SNRPN: variants seen among roughly 807,000 people sequenced by gnomAD.
SNRPN encodes small nuclear ribonucleoprotein-associated protein N.
Under a neutral mutation model 25.2 loss-of-function variants are expected in SNRPN, and 7 were observed. The observed-to-expected ratio is 0.28, with a 90% CI of 0.16 to 0.52. SNRPN has a LOEUF of 0.52. Among genes scored for constraint, SNRPN ranks in the 20% least tolerant of loss-of-function variants. The pLI is 0.96. For missense variants in SNRPN, 196 were observed against 322.5 expected, an observed-to-expected ratio of 0.61 and a Z score of 3.00; for synonymous variants, 124 against 110.6, an observed-to-expected ratio of 1.12 and a Z score of -0.76.
At chr15:24,868,066 A>T (rs1353161621) in intron 1 of SNRPN, among the ~76,000 whole-genome samples, 1 of 151,792 alleles carries the variant, frequency 6.6e-6, no homozygotes, top group African/African-American at 2.4e-5. Context: ...TTATTTGATG[A>T]GGTATTCTTA....
chr15:24,950,914 T>C (rs959503368), upstream of SNRPN, among the ~76,000 whole-genome samples: 2 of 151,156 alleles, frequency 1.3e-5, no homozygotes, highest in African/African-American at 4.9e-5. Flanking sequence ...CAGGCTGGAG[T>C]GCAGTGGTGC....
intron 1 of SNRPN, among the ~76,000 whole-genome samples, chr15:24,880,767 AGAGTCTT>A (rs779444849): frequency 1.9e-4 from 29 of 148,724 alleles, no homozygotes; most frequent in Non-Finnish European, 3.5e-4. Flanking sequence ...TTTTTGAGAC[AGAGTCTT>A]GCTCTGTTGT....
At chr15:24,922,963 T>C (rs188009435) in intron 3 of SNRPN, among the ~76,000 whole-genome samples, 24 of 131,532 alleles carry the variant, frequency 1.8e-4, no homozygotes, top group African/African-American at 2.9e-4. Context: ...TGGAGTGCAG[T>C]GGCGCAATCT....
chr15:24,915,459 T>C (rs965322847), intron 2 of SNRPN, among the ~76,000 whole-genome samples: 2 of 152,084 alleles, frequency 1.3e-5, no homozygotes, highest in East Asian at 3.9e-4. Flanking sequence ...GACTTCCTTG[T>C]TAAAACTAGA....
At chr15:24,941,567 G>A (rs1261270629) in intron 3 of SNRPN, among the ~76,000 whole-genome samples, 1 of 152,088 alleles carries the variant, frequency 6.6e-6, no homozygotes, top group Non-Finnish European at 1.5e-5. Context: ...ATGGGCTTTG[G>A]TCACAGAGCT....
chr15:24,934,797 T>C (rs541409764), intron 3 of SNRPN, among the ~76,000 whole-genome samples: 11 of 152,288 alleles, frequency 7.2e-5, no homozygotes, highest in African/African-American at 2.4e-4. Context: ...GCTCAAGTGA[T>C]CTGCCTGCCT....
chr15:24,976,301 G>C lies in SNRPN; in HGVS notation c.156-4G>C, dbSNP rs1244830595. On this transcript the variant is annotated splice_region_variant and splice_polypyrimidine_tract_variant and intron_variant, in intron 5 of 9. Transcript: ENST00000390687. ...TCTCACTAAAATTTAATTCTGATTT[G>C]TAGGCCAAAGAATGCGAAGCAACCA... is the stretch of plus-strand genomic sequence containing the variant. 1 of 1,612,114 alleles carries C rather than the reference G, an allele frequency of 6.2e-7. No individual in the cohort carries two copies. The highest frequency in any genetic ancestry group is 1.1e-5 in the South Asian group (1 of 90,918).
At chr15:24,960,653 A>G (rs1384470876) in intron 1 of SNRPN, among the ~76,000 whole-genome samples, 2 of 152,192 alleles carry the variant, frequency 1.3e-5, no homozygotes, top group Non-Finnish European at 2.9e-5. Context: ...GCATCATTTC[A>G]TATAGATTAG....
chr15:24,859,006 C>T (rs2053727174), intron 1 of SNRPN, among the ~76,000 whole-genome samples: 1 of 152,068 alleles, frequency 6.6e-6, no homozygotes, highest in South Asian at 2.1e-4. Context: ...TTGCAGACAC[C>T]CCTTCCCCTT....
intron 2 of SNRPN, chr15:24,851,336 T>C (rs1037568882): frequency 6.6e-6 from 1 of 152,138 alleles, no homozygotes; most frequent in Non-Finnish European, 1.5e-5. Context: ...TACAAAACTT[T>C]TGGGAGCTGA....
At chr15:24,927,965 T>C (rs2060529547) in intron 3 of SNRPN, among the ~76,000 whole-genome samples, 1 of 152,170 alleles carries the variant, frequency 6.6e-6, no homozygotes, top group African/African-American at 2.4e-5. Context: ...AAAATGATGT[T>C]TTATGGCTAA....
chr15:24,978,174 C>A lies in SNRPN; in HGVS notation c.560-19C>A, dbSNP rs747671288. On this transcript the variant is annotated intron_variant, in intron 8 of 9. Transcript: ENST00000390687. The stretch of plus-strand genomic sequence containing the variant: ...AAGCCATTTTATGAGGCCTTTATTT[C>A]TACCATTTTTCACTGTAGGCATTAT... The A allele has an allele frequency of 1.2e-6, 2 of 1,607,356 alleles. No individual in the cohort carries two copies. The highest frequency in any genetic ancestry group is 3.4e-5 in the Admixed American group (2 of 58,904).
intron 3 of SNRPN, among the ~76,000 whole-genome samples, chr15:24,921,900 G>T (rs770775351): frequency 5.9e-5 from 9 of 152,012 alleles, no homozygotes; most frequent in Non-Finnish European, 8.8e-5. Context: ...TGTTAGTGAC[G>T]ATAAAAATGC....
chr15:24,954,667 T>C (rs536904479), upstream of SNRPN, among the ~76,000 whole-genome samples: 1 of 152,352 alleles, frequency 6.6e-6, no homozygotes, highest in South Asian at 2.1e-4. Flanking sequence ...ATTAGGATTG[T>C]TTGGCCAGTG....
intron 3 of SNRPN, among the ~76,000 whole-genome samples, chr15:24,947,142 A>T (rs575290645): frequency 6.6e-6 from 1 of 152,272 alleles, no homozygotes; most frequent in South Asian, 2.1e-4. Flanking sequence ...TGTTTTAGTT[A>T]TATCAAAATG....
At chr15:24,858,753 A>T (rs754713475) in intron 1 of SNRPN, among the ~76,000 whole-genome samples, 1 of 152,152 alleles carries the variant, frequency 6.6e-6, no homozygotes, top group Non-Finnish European at 1.5e-5. Context: ...GTGAGTCAAC[A>T]TCGAGCCACT....
intron 1 of SNRPN, among the ~76,000 whole-genome samples, chr15:24,874,086 A>G (rs1284270727): frequency 4.6e-5 from 7 of 151,710 alleles, no homozygotes; most frequent in Non-Finnish European, 8.8e-5. Flanking sequence ...CAAGGCTGGC[A>G]GATCACGAGG....
intron 2 of SNRPN, among the ~76,000 whole-genome samples, chr15:24,834,979 T>C (rs1343883442): frequency 1.5e-5 from 1 of 68,158 alleles, no homozygotes; most frequent in Non-Finnish European, 3.0e-5. Flanking sequence ...TATATATCTA[T>C]ATATAAAATA....
chr15:24,938,774 TGGTTGGCTTTGGGCTACA>T (rs1318606514), intron 3 of SNRPN, among the ~76,000 whole-genome samples: 1 of 152,150 alleles, frequency 6.6e-6, no homozygotes, highest in East Asian at 1.9e-4. Context: ...TAAATAATTC[TGGTTGGCTTTGGGCTACA>T]GGGATGGTCT....
Sources: allele counts gnomAD v4.1 joint callset (sites outside exome capture counted in the v4.1 genomes callset), GRCh38; gene constraint gnomAD v4.1.1; transcripts MANE v1.5; gene names NCBI Gene and HGNC (gene_info 2026-07-23, HGNC 2026-07-21).